The following ADAM23 variants were observed in gnomAD, a reference collection of about 807,000 sequenced individuals.
The protein encoded by ADAM23 is disintegrin and metalloproteinase domain-containing protein 23.
In ADAM23, 33 loss-of-function variants were observed where a neutral mutation model predicts 120.1. The observed-to-expected ratio is 0.27, with a 90% CI of 0.21 to 0.37. The LOEUF is 0.37. Ranked by LOEUF, ADAM23 falls within the 10% of genes least tolerant of loss-of-function variation. The pLI, the probability that ADAM23 is intolerant of heterozygous loss-of-function variation, is 1.00. For missense variants in ADAM23, 862 were observed against 1,058.2 expected, an observed-to-expected ratio of 0.81 and a Z score of 2.57; for synonymous variants, 367 against 375.2, an observed-to-expected ratio of 0.98 and a Z score of 0.25.
chr2:206,518,186 C>A (rs1696771990), intron 3 of ADAM23, among the ~76,000 whole-genome samples: 1 of 152,110 alleles, frequency 6.6e-6, no homozygotes, highest in Non-Finnish European at 1.5e-5. Flanking sequence ...TTATTACTGG[C>A]ACATTATATT....
chr2:206,462,815 G>A (rs778578292), intron 2 of ADAM23, among the ~76,000 whole-genome samples: 19 of 152,126 alleles, frequency 1.2e-4, no homozygotes, highest in Non-Finnish European at 2.5e-4. Flanking sequence ...GCCAGAGGAG[G>A]AAGAGTCTAT....
intron 18 of ADAM23, among the ~76,000 whole-genome samples, chr2:206,579,503 A>C (rs1360391746): frequency 6.6e-6 from 1 of 151,942 alleles, no homozygotes. Flanking sequence ...CCTTTTCCCC[A>C]CTTTATGTTT....
intron 3 of ADAM23, among the ~76,000 whole-genome samples, chr2:206,494,488 T>G (rs1377788283): frequency 6.6e-6 from 1 of 152,128 alleles, no homozygotes; most frequent in African/African-American, 2.4e-5. Flanking sequence ...AGCCCACAGT[T>G]TAGGGTGGGA....
chr2:206,561,342 T>C (rs561621079), intron 12 of ADAM23, 130 bp downstream of exon 12: 3 of 772,036 alleles, frequency 3.9e-6, no homozygotes, highest in Admixed American at 2.4e-5. Flanking sequence ...CTTATGTTAT[T>C]AATAAATAGA....
chr2:206,487,601 T>G (rs759222026), intron 3 of ADAM23, among the ~76,000 whole-genome samples: 3 of 152,238 alleles, frequency 2.0e-5, no homozygotes, highest in Non-Finnish European at 4.4e-5. Flanking sequence ...GTATTTAAGT[T>G]TCCAGGCCAT....
At chr2:206,559,570 T>G (rs1697716381) in intron 10 of ADAM23, among the ~76,000 whole-genome samples, 1 of 152,144 alleles carries the variant, frequency 6.6e-6, no homozygotes, top group Non-Finnish European at 1.5e-5. Context: ...AGGAATAAAT[T>G]GTTGCACTGC....
At chr2:206,494,398 A>C (rs1027262246) in intron 3 of ADAM23, among the ~76,000 whole-genome samples, 1 of 152,210 alleles carries the variant, frequency 6.6e-6, no homozygotes, top group South Asian at 2.1e-4. Flanking sequence ...GGGTTTCTTT[A>C]TATGATTGCT....
At chr2:206,557,372 G>T in intron 9 of ADAM23, 55 bp from the exon 10 acceptor site, 1 of 1,376,950 alleles carries the variant, frequency 7.3e-7, no homozygotes, top group South Asian at 1.2e-5. Flanking sequence ...ACAGCATTTT[G>T]AAATTTATTA....
At chr2:206,550,283 A>T (rs1697486790) in intron 9 of ADAM23, 123 bp downstream of exon 9, 2 of 483,470 alleles carry the variant, frequency 4.1e-6, no homozygotes, top group South Asian at 6.7e-5. Context: ...ATATTAAGTG[A>T]CTTGATTTAT....
At chr2:206,449,191 T>A (rs556525940) in intron 2 of ADAM23, among the ~76,000 whole-genome samples, 1 of 152,336 alleles carries the variant, frequency 6.6e-6, no homozygotes, top group South Asian at 2.1e-4. Context: ...TTAAGTGTTG[T>A]GTGAGACTAG....
intron 13 of ADAM23, among the ~76,000 whole-genome samples, chr2:206,564,059 T>G (rs1697827013): frequency 6.6e-6 from 1 of 152,136 alleles, no homozygotes; most frequent in Admixed American, 6.6e-5. Flanking sequence ...GTGACTTGTT[T>G]GTTTAGGTAG....
At chr2:206,471,240 A>G (rs765614086) in intron 2 of ADAM23, among the ~76,000 whole-genome samples, 4 of 152,240 alleles carry the variant, frequency 2.6e-5, no homozygotes, top group Non-Finnish European at 4.4e-5. Context: ...AGGTAGAACA[A>G]TGCTAAAATG....
chr2:206,568,887 C>T (rs183460186), intron 15 of ADAM23, among the ~76,000 whole-genome samples: 62 of 152,194 alleles, frequency 4.1e-4, no homozygotes, highest in Admixed American at 3.6e-3. Context: ...AGTGACACTA[C>T]GTAGTCAGGA....
chr2:206,481,506 T>C (rs141106740), intron 3 of ADAM23, among the ~76,000 whole-genome samples, 198 bp downstream of exon 3: 132 of 152,266 alleles, frequency 8.7e-4, no homozygotes, highest in African/African-American at 3.0e-3. Flanking sequence ...ATGTTAAGCA[T>C]CTCAAACCCA....
chr2:206,459,042 G>A (rs1329997592), intron 2 of ADAM23, among the ~76,000 whole-genome samples: 24 of 152,198 alleles, frequency 1.6e-4, no homozygotes, highest in Admixed American at 1.4e-3. Context: ...TAACCAAGAA[G>A]AGTTAATACA....
At chr2:206,468,632 C>A (rs1054327722) in intron 2 of ADAM23, among the ~76,000 whole-genome samples, 1 of 152,194 alleles carries the variant, frequency 6.6e-6, no homozygotes, top group African/African-American at 2.4e-5. Context: ...CTTCTGTCTT[C>A]TTCTGAGCCC....
At chr2:206,550,964 G>A (rs1022785088) in intron 9 of ADAM23, among the ~76,000 whole-genome samples, 8 of 152,184 alleles carry the variant, frequency 5.3e-5, no homozygotes, top group Admixed American at 2.0e-4. Context: ...GCAGTAAAAT[G>A]TGATTGAATA....
At chr2:206,601,934 A>G (rs1559285102) in intron 24 of ADAM23, among the ~76,000 whole-genome samples, 1 of 152,184 alleles carries the variant, frequency 6.6e-6, no homozygotes, top group Non-Finnish European at 1.5e-5. Flanking sequence ...AGGAAGTATT[A>G]TATTATTATC....
chr2:206,525,915 C>T, intron 3 of ADAM23, among the ~76,000 whole-genome samples: 1 of 152,012 alleles, frequency 6.6e-6, no homozygotes, highest in East Asian at 1.9e-4. Context: ...GTAAGGGGTT[C>T]AAGTTATTTT....
Sources: gnomAD v4.1 joint callset for allele counts (sites outside exome capture counted in the v4.1 genomes callset) on GRCh38, gnomAD v4.1.1 for gene constraint, MANE v1.5 for transcripts, NCBI Gene and HGNC (gene_info 2026-07-23, HGNC 2026-07-21) for gene names.